Variants in COMT observed in about 807,000 individuals in gnomAD.
The protein encoded by COMT is catechol O-methyltransferase.
Under a neutral mutation model 18.9 loss-of-function variants are expected in COMT, and 13 were observed. The observed-to-expected ratio is 0.69, with a 90% CI of 0.45 to 1.09. The LOEUF (loss-of-function observed/expected upper bound fraction) is 1.09. Among genes scored for constraint, COMT ranks in the 50% least tolerant of loss-of-function variants. COMT has a pLI of 0.00. For missense variants in COMT, 329 were observed against 361.8 expected (o/e 0.91, Z 0.73); for synonymous variants, 150 against 160.9 (o/e 0.93, Z 0.51).
At position 19,963,548 on chromosome 22, in the gene COMT, G is replaced by A. The variant is rs199590736; in HGVS notation, c.290-18G>A. On this transcript the variant is annotated intron_variant, in intron 3 of 5. Transcript: ENST00000361682. The stretch of plus-strand genomic sequence containing the variant: ...CTCCACCTGTGCTCACCTCTCCTCC[G>A]TCCCCAACCCTGCACAGGCAAGATC... 19 of 1,610,030 alleles carry A rather than the reference G, an allele frequency of 1.2e-5. No homozygotes were observed. The Admixed American group carries it at 1.3e-4, about 11-fold the overall frequency.
intron 3 of COMT, 40 bp downstream of exon 3, chr22:19,962,855 G>A: frequency 6.3e-7 from 1 of 1,576,312 alleles, no homozygotes; most frequent in Non-Finnish European, 8.6e-7. Flanking sequence ...CTGGGACAGG[G>A]ACCCAGGACC....
chr22:19,953,453 C>T (rs1017019784), intron 1 of COMT, among the ~76,000 whole-genome samples: 1 of 152,132 alleles, frequency 6.6e-6, no homozygotes, highest in African/African-American at 2.4e-5. Context: ...GCCACCATGC[C>T]CGGCTCATTT....
rs763607822 is a variant in COMT, at chr22:19,946,910, G to GGTTTTTTTT, written c.-92+5013_-92+5014insGTTTTTTTT. ...TAGCATTAAAAAAAATTTTTTTTTAGTTTTTTTTTTTTTTTTTTTTTTTGA... is the reference window on the plus strand; with the variant it reads ...TAGCATTAAAAAAAATTTTTTTTTAGGTTTTTTTTTTTTTTTTTTTTTTTTTTTTTTTGA... On this transcript the variant is annotated intron_variant, in intron 1 of 5. Transcript: ENST00000361682. 2.6e-5 allele frequency among the ~76,000 whole-genome samples: 3 copies of GGTTTTTTTT among 117,120 alleles called. 1 individual carries two copies. Among genetic ancestry groups the GGTTTTTTTT allele is most frequent in the African/African-American group, 3.4e-5 (1 of 29,366 alleles). 76.8% of individuals were successfully genotyped at this position (117,120 alleles called of 152,430 possible).
intron 3 of COMT, chr22:19,963,296 G>A (rs997341688): frequency 3.4e-6 from 2 of 588,332 alleles, no homozygotes; most frequent in African/African-American, 3.7e-5. Context: ...AGGAAGGGTG[G>A]AAAAGATAGG....
At position 19,953,761 on chromosome 22, in the gene COMT, CT is replaced by C. The variant is rs564767946; in HGVS notation, c.-91-7437del. Among the ~76,000 whole-genome samples the C allele has an allele frequency of 7.9e-5, 12 of 152,318 alleles. 1 individual carries two copies. The East Asian group carries it at 2.3e-3, about 29-fold the overall frequency. ...AAGGCACCCCTGTCCTTTCTGTCCCCTCCACACTGAGCCAAGCCAGCCTCCA... is the reference window on the plus strand; with the variant it reads ...AAGGCACCCCTGTCCTTTCTGTCCCCCCACACTGAGCCAAGCCAGCCTCCA... On this transcript the variant is annotated intron_variant, in intron 1 of 5. Transcript: ENST00000361682.
At chr22:19,945,106 T>C (rs1311743747) in intron 1 of COMT, among the ~76,000 whole-genome samples, 1 of 152,186 alleles carries the variant, frequency 6.6e-6, no homozygotes, top group African/African-American at 2.4e-5. Context: ...GAATCTTAGA[T>C]TGAGCTTTTT....
intron 5 of COMT, chr22:19,965,331 T>C (rs1942330418): frequency 6.6e-6 from 1 of 152,030 alleles, no homozygotes; most frequent in Admixed American, 6.6e-5. Flanking sequence ...CTGGGCAACA[T>C]GGCAAAAGAA....
At chr22:19,964,460 G>A (rs1942288813) in intron 5 of COMT, 161 bp downstream of exon 5, 1 of 1,090,704 alleles carries the variant, frequency 9.2e-7, no homozygotes. Context: ...GGACTGAGGA[G>A]GCCCTGTGGT....
chr22:19,954,507 T>G (rs1303188834), intron 1 of COMT, among the ~76,000 whole-genome samples: 1 of 152,142 alleles, frequency 6.6e-6, no homozygotes, highest in Non-Finnish European at 1.5e-5. Flanking sequence ...GGCTGGAGTG[T>G]AATGGCACCA....
At chr22:19,966,912 C>T (rs1942431019) in intron 5 of COMT, 2 of 982,908 alleles carry the variant, frequency 2.0e-6, no homozygotes, top group South Asian at 9.4e-5. Context: ...GTCACCTGCT[C>T]CTCTGACACT....
At chr22:19,943,929 A>G (rs1279584842) in intron 1 of COMT, among the ~76,000 whole-genome samples, 1 of 152,158 alleles carries the variant, frequency 6.6e-6, no homozygotes, top group Non-Finnish European at 1.5e-5. Context: ...CGGCCTGTGT[A>G]GCAGCAGCTC....
Position 19,944,769 on chromosome 22 carries a change from C to A in COMT, c.-92+2872C>A, listed in dbSNP as rs373060826. 1.9e-4 allele frequency among the ~76,000 whole-genome samples: 29 copies of A among 152,194 alleles called. No homozygotes were observed. The East Asian group carries it at 5.6e-3, about 29-fold the overall frequency. On this transcript the variant is annotated intron_variant, in intron 1 of 5. Transcript: ENST00000361682. ...CCCGGGAGGTGGAGCTTGCAATGAG[C>A]CGAGATCACACCACTGCACTCCAGC...
At chr22:19,949,621 A>G (rs772194650) in intron 1 of COMT, among the ~76,000 whole-genome samples, 4 of 151,946 alleles carry the variant, frequency 2.6e-5, no homozygotes, top group Non-Finnish European at 4.4e-5. Flanking sequence ...TTAAAGAGAC[A>G]GCGTCTTGCT....
At chr22:19,951,710 G>A (rs903217100) in intron 1 of COMT, 1 of 152,300 alleles carries the variant, frequency 6.6e-6, no homozygotes, top group African/African-American at 2.4e-5. Context: ...AGAGAGCCGA[G>A]CTCCGCTCCG....
chr22:19,965,995 C>T (rs1942370699), intron 5 of COMT, among the ~76,000 whole-genome samples: 1 of 152,220 alleles, frequency 6.6e-6, no homozygotes, highest in African/African-American at 2.4e-5. Flanking sequence ...TTACTGCGGC[C>T]GAGTTTCAGC....
chr22:19,944,821 CAAAAA>C (rs991318851), intron 1 of COMT, among the ~76,000 whole-genome samples: 2 of 151,220 alleles, frequency 1.3e-5, no homozygotes, highest in South Asian at 2.1e-4. Context: ...GACTGCGTCT[CAAAAA>C]CAAAACAAAA....
At chr22:19,941,918 G>A in intron 1 of COMT, 21 bp downstream of exon 1, 6 of 1,121,866 alleles carry the variant, frequency 5.3e-6, no homozygotes, top group Non-Finnish European at 5.8e-6. Flanking sequence ...TGGCTAGACC[G>A]GGGCCGAATG....
intron 3 of COMT, 185 bp downstream of exon 3, chr22:19,963,000 G>A (rs1476375894): frequency 2.9e-6 from 2 of 678,448 alleles, no homozygotes; most frequent in East Asian, 5.5e-5. Context: ...GACCCCTGCA[G>A]GCCCTGCTGC....
chr22:19,958,715 T>C (rs1245432217), intron 1 of COMT, among the ~76,000 whole-genome samples: 2 of 108,370 alleles, frequency 1.8e-5, no homozygotes, highest in African/African-American at 3.7e-5. Context: ...CTCCACTCCA[T>C]CTCTACCAAA....
Sources: allele counts gnomAD v4.1 joint callset (sites outside exome capture counted in the v4.1 genomes callset), GRCh38; gene constraint gnomAD v4.1.1; transcripts MANE v1.5; gene names NCBI Gene and HGNC (gene_info 2026-07-23, HGNC 2026-07-21).